Variants in ACSL1 observed in about 807,000 individuals in gnomAD.
ACSL1 encodes long-chain-fatty-acid--CoA ligase 1.
ACSL1 carries 41 observed loss-of-function variants against 98.4 expected under a neutral mutation model. That is an observed-to-expected ratio of 0.42 (90% CI 0.32 to 0.54). The LOEUF is 0.54. Ranked by LOEUF, ACSL1 falls within the 20% of genes least tolerant of loss-of-function variation. ACSL1 has a pLI of 0.13. For missense variants in ACSL1, 734 were observed against 883.1 expected (o/e 0.83, Z 2.14); for synonymous variants, 316 against 322.7 (o/e 0.98, Z 0.22).
chr4:184,800,430 C>G (rs1043698565), intron 2 of ACSL1, among the ~76,000 whole-genome samples: 2 of 152,164 alleles, frequency 1.3e-5, no homozygotes, highest in African/African-American at 4.8e-5. Flanking sequence ...CAGTGAAGAT[C>G]GTTTTCACTA....
At chr4:184,821,374 T>A (rs1020160585) in intron 1 of ACSL1, 6 of 265,980 alleles carry the variant, frequency 2.3e-5, no homozygotes, top group Non-Finnish European at 4.6e-5. Flanking sequence ...CCCATTTCTA[T>A]AGCAGCCAAA....
At chr4:184,788,250 T>A (rs891209876) in intron 3 of ACSL1, 3 of 360,580 alleles carry the variant, frequency 8.3e-6, no homozygotes, top group Non-Finnish European at 1.6e-5. Context: ...ATGTCAGTAT[T>A]TCTTTCTCAA....
At chr4:184,821,950 A>AT (rs1188020880) in intron 1 of ACSL1, among the ~76,000 whole-genome samples, 1 of 152,208 alleles carries the variant, frequency 6.6e-6, no homozygotes, top group African/African-American at 2.4e-5. Flanking sequence ...GAAGAGCTTC[A>AT]TTTTTCCTAT....
chr4:184,773,767 T>C lies in ACSL1; in HGVS notation c.790-53A>G. On this transcript the variant is annotated intron_variant, in intron 8 of 20. Transcript: ENST00000281455. This position sits in a 1 kb window ranked among gnomAD's most constrained non-coding sequence, Gnocchi z 4.3. Reference sequence around the variant, plus strand: ...TATAAATCAGAACAGAAAAGAGAACTATAAGCCACAAGGTACCAGGCTAGA... The same window carrying C: ...TATAAATCAGAACAGAAAAGAGAACCATAAGCCACAAGGTACCAGGCTAGA... 3 of 1,608,024 alleles carry C rather than the reference T, an allele frequency of 1.9e-6. No individual in the cohort carries two copies. The highest frequency in any genetic ancestry group is 2.5e-6 in the Non-Finnish European group (3 of 1,177,758).
intron 3 of ACSL1, 100 bp from the exon 4 acceptor site, chr4:184,784,091 G>C: frequency 1.1e-6 from 1 of 923,610 alleles, no homozygotes. Flanking sequence ...ACATCAGCTA[G>C]ACTCTACTTT....
intron 1 of ACSL1, chr4:184,821,196 TC>T (rs1773046618): frequency 2.3e-6 from 1 of 443,658 alleles, no homozygotes; most frequent in Non-Finnish European, 4.6e-6. Flanking sequence ...ACCACCTCGG[TC>T]AGCTACCACA....
In ACSL1 at chr4:184,765,931, G is replaced by A; in HGVS notation, c.1319C>T (p.Ala440Val). Reference protein sequence around the residue: ...LMVTGAAPVSATVLTFLRAAL... With the variant: ...LMVTGAAPVSVTVLTFLRAAL... Reference sequence around the variant, plus strand: ...TGCTCTGAGGAACGTCAGCACAGTGGCAGACACCGGGGCGGCTCCTGTCAC... The same window carrying A: ...TGCTCTGAGGAACGTCAGCACAGTGACAGACACCGGGGCGGCTCCTGTCAC... Residue 440 changes from alanine to valine, a missense_variant, in exon 14 of 21, where the codon GCC becomes GTC. Coordinates refer to ENST00000281455, the MANE Select transcript of ACSL1 (RefSeq NM_001995.5). 1 of 1,614,066 alleles carries A rather than the reference G, an allele frequency of 6.2e-7. No homozygotes were observed. The highest frequency in any genetic ancestry group is 1.1e-5 in the South Asian group (1 of 91,078).
At chr4:184,769,050 C>A (rs977694191) in intron 11 of ACSL1, among the ~76,000 whole-genome samples, 1 of 134,386 alleles carries the variant, frequency 7.4e-6, no homozygotes, top group Non-Finnish European at 1.6e-5. Flanking sequence ...GCCTGGGCCA[C>A]GGAGGGAGAC....
At position 184,773,576 on chromosome 4, in the gene ACSL1, GT is replaced by G; in HGVS notation, c.841+86del. 7.7e-7 allele frequency: 1 copy of G among 1,296,318 alleles called. No homozygotes were observed. The highest frequency in any genetic ancestry group is 1.4e-5 in the South Asian group (1 of 73,406). 80.3% of individuals were successfully genotyped at this position (1,296,318 alleles called of 1,614,324 possible). A position where few individuals can be genotyped will look rare whatever the true frequency, so the allele number is the denominator to read the frequency against. Reference sequence around the variant, plus strand: ...CTCTTCTGCTTTTGGTCCGTCTACTGTTAGCTGATAAGTCATCCAAAAGAGG... The same window carrying G: ...CTCTTCTGCTTTTGGTCCGTCTACTGTAGCTGATAAGTCATCCAAAAGAGG... On this transcript the variant is annotated intron_variant, in intron 9 of 20. Coordinates refer to ENST00000281455, the MANE Select transcript of ACSL1 (RefSeq NM_001995.5). This position sits in a 1 kb window ranked among gnomAD's most constrained non-coding sequence, Gnocchi z 4.3.
chr4:184,770,299 T>C (rs1764294854), intron 11 of ACSL1, 100 bp downstream of exon 11: 2 of 1,559,132 alleles, frequency 1.3e-6, no homozygotes, highest in Non-Finnish European at 1.7e-6. Context: ...AAATATGAAA[T>C]GTGTGTGTCA....
At chr4:184,800,994 A>C (rs1392975493) in intron 2 of ACSL1, among the ~76,000 whole-genome samples, 1 of 152,174 alleles carries the variant, frequency 6.6e-6, no homozygotes, top group Non-Finnish European at 1.5e-5. Context: ...CTGGGACTAC[A>C]GCCATGAGCC....
chr4:184,773,039 T>C lies in ACSL1; in HGVS notation c.915+42A>G, dbSNP rs1170579553. The C allele has an allele frequency of 2.5e-6, 4 of 1,579,086 alleles. No homozygotes were observed. The highest frequency in any genetic ancestry group is 2.7e-5 in the African/African-American group (2 of 74,168). On this transcript the variant is annotated intron_variant, in intron 10 of 20. Transcript: ENST00000281455. This position sits in a 1 kb window ranked among gnomAD's most constrained non-coding sequence, Gnocchi z 4.3. ...CAGCACTTTCATTCTCAAGGACTAA[T>C]GTCAATCAATGAGGAAAGATGACGA...
rs1051429273 is a variant in ACSL1, at chr4:184,781,589, TTTTTC to T, written c.376-1161_376-1157del. On this transcript the variant is annotated intron_variant, in intron 4 of 20. Coordinates refer to ENST00000281455, the MANE Select transcript of ACSL1 (RefSeq NM_001995.5). ...AAACTTTGCAGTTATTTTCTTTTCCTTTTTCTTTTCTTTGTTTCTTTCTTTTTTTT... is the reference window on the plus strand; with the variant it reads ...AAACTTTGCAGTTATTTTCTTTTCCTTTTTCTTTGTTTCTTTCTTTTTTTT... Among the ~76,000 whole-genome samples, 18 of 152,256 alleles carry T rather than the reference TTTTTC, an allele frequency of 1.2e-4. No individual in the cohort carries two copies. The South Asian group carries it at 3.5e-3, about 30-fold the overall frequency.
intron 12 of ACSL1, 30 bp downstream of exon 12, chr4:184,768,286 A>C (rs1267283696): frequency 3.8e-6 from 6 of 1,595,184 alleles, no homozygotes; most frequent in Non-Finnish European, 4.3e-6. Flanking sequence ...GTCAGTGCTC[A>C]GTCCTGGGAC....
At chr4:184,813,578 C>A in intron 1 of ACSL1, 1 of 249,064 alleles carries the variant, frequency 4.0e-6, no homozygotes, top group Non-Finnish European at 8.5e-6. Flanking sequence ...TCTCTATGAC[C>A]GCAAGTTGAA....
At position 184,766,040 on chromosome 4, in the gene ACSL1, G is replaced by A. The variant is rs780380772; in HGVS notation, c.1264-54C>T. ...GAGGGTTACACACCTGGAAGTCGGC[G>A]GCCTCTCCGCCAAGGGGGCCTGCTT... On this transcript the variant is annotated intron_variant, in intron 13 of 20. Transcript: ENST00000281455. This position sits in a 1 kb window ranked among gnomAD's most constrained non-coding sequence, Gnocchi z 4.8. 4.0e-5 allele frequency: 63 copies of A among 1,578,100 alleles called. No individual in the cohort carries two copies. In the African/African-American group the frequency reaches 5.4e-4, roughly 13 times the overall value.
chr4:184,797,253 C>T (rs1360777301), intron 2 of ACSL1, among the ~76,000 whole-genome samples: 3 of 152,214 alleles, frequency 2.0e-5, no homozygotes, highest in African/African-American at 7.2e-5. Flanking sequence ...CCCACACTTG[C>T]TTTACCTCCA....
intron 3 of ACSL1, among the ~76,000 whole-genome samples, chr4:184,785,395 C>G (rs1262978502): frequency 6.6e-6 from 1 of 152,132 alleles, no homozygotes; most frequent in African/African-American, 2.4e-5. Flanking sequence ...ATGAGAGCCA[C>G]TGAGAAGCAG....
At chr4:184,794,563 G>A (rs1769003331) in intron 2 of ACSL1, among the ~76,000 whole-genome samples, 1 of 152,104 alleles carries the variant, frequency 6.6e-6, no homozygotes, top group South Asian at 2.1e-4. Flanking sequence ...GTGAGTGAAT[G>A]TGTATGGAGC....
Sources: allele counts gnomAD v4.1 joint callset (sites outside exome capture counted in the v4.1 genomes callset), GRCh38; gene constraint gnomAD v4.1.1; non-coding constraint Gnocchi (gnomAD v3.1); transcripts MANE v1.5; gene names NCBI Gene and HGNC (gene_info 2026-07-23, HGNC 2026-07-21).